ZNF845: variants seen among roughly 807,000 people sequenced by gnomAD.
ZNF845 encodes zinc finger protein 845.
ZNF845 carries 59 observed loss-of-function variants against 76.1 expected under a neutral mutation model. The ratio of observed to expected loss-of-function variants is 0.78; its 90% CI spans 0.63 to 0.96. The LOEUF is 0.96. Among genes scored for constraint, ZNF845 ranks in the 40% least tolerant of loss-of-function variants. The probability of loss-of-function intolerance (pLI) is 0.00; values close to 1 mark genes in which losing one functional copy is unlikely to be tolerated. For missense variants in ZNF845, 1,045 were observed against 1,172.8 expected (o/e 0.89, Z 1.59); for synonymous variants, 361 against 386.9 (o/e 0.93, Z 0.78).
At chr19:53,335,979 TGGATCACAA>T (rs554731451) in intron 1 of ZNF845, among the ~76,000 whole-genome samples, 53 of 146,440 alleles carry the variant, frequency 3.6e-4, no homozygotes, top group African/African-American at 1.1e-3. Flanking sequence ...CGGAGGCAGG[TGGATCACAA>T]GGATCACAAG....
intron 1 of ZNF845, among the ~76,000 whole-genome samples, 190 bp downstream of exon 1, chr19:53,333,982 C>T (rs1418657837): frequency 6.6e-6 from 1 of 152,216 alleles, no homozygotes; most frequent in East Asian, 1.9e-4. Context: ...GAGGATGGTC[C>T]CTTCCCGAAT....
At position 53,351,716 on chromosome 19, in the gene ZNF845, A is replaced by T; in HGVS notation, c.1041A>T (p.Arg347Ser). ...SQTSYLVYHR[R>S]LHTGEKPYKC... ...CGTCATACCTTGTGTACCATCGTAG[A>T]CTTCATACTGGAGAGAAACCTTACA... Residue 347 changes from arginine (R) to serine (S), a missense_variant, in exon 4 of 4, where the codon AGA becomes AGT. By Grantham distance (110) the Arg-to-Ser change is moderately radical. Transcript: ENST00000458035. 2 of 1,614,108 alleles carry T rather than the reference A, an allele frequency of 1.2e-6. No individual in the cohort carries two copies. The highest frequency in any genetic ancestry group is 3.3e-4 in the Middle Eastern group (2 of 6,062).
At chr19:53,342,349 T>C (rs1445517124) in intron 2 of ZNF845, among the ~76,000 whole-genome samples, 1 of 152,192 alleles carries the variant, frequency 6.6e-6, no homozygotes, top group East Asian at 1.9e-4. Flanking sequence ...ACTTCTGACC[T>C]AAGGTGATCT....
chr19:53,348,525 A>G (rs2085311931), intron 3 of ZNF845, among the ~76,000 whole-genome samples: 1 of 152,184 alleles, frequency 6.6e-6, no homozygotes, highest in African/African-American at 2.4e-5. Flanking sequence ...AACACCCATG[A>G]CCAAATTCTC....
At chr19:53,333,925 C>G (rs1337371127) in intron 1 of ZNF845, 133 bp downstream of exon 1, 1 of 154,390 alleles carries the variant, frequency 6.5e-6, no homozygotes, top group Non-Finnish European at 1.4e-5. Flanking sequence ...TTTAGACGTC[C>G]TCGTCAGAGT....
intron 1 of ZNF845, among the ~76,000 whole-genome samples, chr19:53,336,160 C>CA (rs1395676355): frequency 6.8e-6 from 1 of 147,630 alleles, no homozygotes; most frequent in Non-Finnish European, 1.5e-5. Context: ...TGCAGTGAGC[C>CA]AAGATTGCGC....
chr19:53,353,503 A>T lies in ZNF845; in HGVS notation c.2828A>T (p.Tyr943Phe), dbSNP rs765487947. ...ACAATTCATACTGGAGAGAAACCTT[A>T]CAAGTGTAATGAATGTGGCAAGGTT... The part of the protein sequence containing the change: ...HKTIHTGEKP[Y>F]KCNECGKVFN... The change falls in exon 4 of 4, where the codon TAC becomes TTC. Residue 943 changes from tyrosine to phenylalanine, a missense_variant. Physicochemically the swap from Tyr to Phe is conservative, Grantham distance 22. Coordinates refer to ENST00000458035, the MANE Select transcript of ZNF845 (RefSeq NM_138374.3). The T allele has an allele frequency of 6.2e-7, 1 of 1,613,734 alleles. No individual in the cohort carries two copies. Among genetic ancestry groups the T allele is most frequent in the South Asian group, 1.1e-5 (1 of 91,012 alleles).
At chr19:53,334,458 G>A (rs555338459) in intron 1 of ZNF845, among the ~76,000 whole-genome samples, 43 of 151,898 alleles carry the variant, frequency 2.8e-4, no homozygotes, top group Admixed American at 5.3e-4. Flanking sequence ...GATGAGTGAG[G>A]GATTTGCCAA....
chr19:53,348,241 C>G (rs1014616968), intron 3 of ZNF845, among the ~76,000 whole-genome samples: 6 of 152,096 alleles, frequency 3.9e-5, no homozygotes, highest in African/African-American at 1.4e-4. Flanking sequence ...ACACTACAGC[C>G]TGGGTGATAG....
At chr19:53,346,665 A>G (rs938664955) in intron 3 of ZNF845, among the ~76,000 whole-genome samples, 2 of 152,240 alleles carry the variant, frequency 1.3e-5, no homozygotes, top group Non-Finnish European at 2.9e-5. Context: ...TGAGAGACAG[A>G]GCGACACTCT....
At position 53,344,604 on chromosome 19, in the gene ZNF845, A is replaced by ATTTATTTTATTTTATTTATTTTAT. The variant is rs1555822545; in HGVS notation, c.16-885_16-884insATTTTATTTTATTTTATTTTATTT. Among the ~76,000 whole-genome samples the ATTTATTTTATTTTATTTATTTTAT allele has an allele frequency of 2.2e-3, 273 of 126,906 alleles. 2 individuals carry two copies. Among genetic ancestry groups the ATTTATTTTATTTTATTTATTTTAT allele is most frequent in the East Asian group, 8.6e-3 (37 of 4,292 alleles). 83.3% of individuals were successfully genotyped at this position (126,906 alleles called of 152,430 possible). On this transcript the variant is annotated intron_variant, in intron 2 of 3. Transcript: ENST00000458035. The stretch of plus-strand genomic sequence containing the variant: ...CCTACATTGATTTTTATTTTATTTT[A>ATTTATTTTATTTTATTTATTTTAT]TTTATTTTATTTTATTTTATTTTAT...
chr19:53,352,406 A>G lies in ZNF845; in HGVS notation c.1731A>G (p.Lys577=). The change falls in exon 4 of 4, where the codon AAA becomes AAG. Residue 577 remains lysine, a synonymous_variant. Transcript: ENST00000458035. ...ATCAAGCAATCCATGGTATAGGGAA[A>G]CTTTACAAATGTAATGATTGTCACC... ...IYHQAIHGIG[K]LYKCNDCHQV... is the part of the protein sequence containing the mutation. The G allele has an allele frequency of 1.2e-6, 2 of 1,613,958 alleles. No individual in the cohort carries two copies. Among genetic ancestry groups the G allele is most frequent in the Non-Finnish European group, 8.5e-7 (1 of 1,179,864 alleles).
intron 1 of ZNF845, among the ~76,000 whole-genome samples, chr19:53,335,502 C>G (rs981435191): frequency 6.6e-6 from 1 of 152,020 alleles, no homozygotes; most frequent in African/African-American, 2.4e-5. Context: ...CTCAAAGGAT[C>G]GTCCTGCCTT....
rs2085244129 is a variant in ZNF845, at chr19:53,339,899, T to C, written c.-73-1336T>C. ...CAGGTTATTTTTCATTTTTATTTATTTGAGGTGGAGTCTCACTCTGTCACC... is the reference window on the plus strand; with the variant it reads ...CAGGTTATTTTTCATTTTTATTTATCTGAGGTGGAGTCTCACTCTGTCACC... On this transcript the variant is annotated intron_variant, in intron 1 of 3. Transcript: ENST00000458035. Among the ~76,000 whole-genome samples the C allele has an allele frequency of 2.6e-5, 4 of 152,348 alleles. No individual in the cohort carries two copies. The South Asian group carries it at 8.3e-4, about 32-fold the overall frequency.
In ZNF845 at chr19:53,356,665, C is replaced by G. The variant is rs2085388147; in HGVS notation, c.*3077C>G. 6.6e-6 allele frequency: 1 copy of G among 152,202 alleles called. No individual in the cohort carries two copies. The highest frequency in any genetic ancestry group is 2.1e-4 in the South Asian group (1 of 4,834). 9.4% of individuals were successfully genotyped at this position (152,202 alleles called of 1,614,324 possible). On this transcript the variant is annotated 3_prime_UTR_variant, in exon 4 of 4. Transcript: ENST00000458035. ...GTAAATGAGGCCGGGCGTGGTGGCTCACGCCTGTAATCCCAGCACTTTGGG... is the reference window on the plus strand; with the variant it reads ...GTAAATGAGGCCGGGCGTGGTGGCTGACGCCTGTAATCCCAGCACTTTGGG...
intron 1 of ZNF845, among the ~76,000 whole-genome samples, chr19:53,334,568 T>G (rs2085199334): frequency 1.4e-5 from 2 of 147,928 alleles, no homozygotes; most frequent in African/African-American, 5.0e-5. Context: ...AAGGGGAGAA[T>G]GAGAGATATG....
At chr19:53,334,615 G>C (rs140198756) in intron 1 of ZNF845, among the ~76,000 whole-genome samples, 2,982 of 152,096 alleles carry the variant, frequency 0.02, 113 homozygotes, top group African/African-American at 0.067. Flanking sequence ...AATGAAGAAA[G>C]GGGGGCTGGG....
rs2085367979 is a variant in ZNF845 at position 53,354,230 on chromosome 19, A to T, written c.*642A>T. On this transcript the variant is annotated 3_prime_UTR_variant, in exon 4 of 4. Transcript: ENST00000458035. ...GATCACCCCTTAAGGAACATCAGAA[A>T]ATTCATTTTTGAGATGATTGTTCCA... is the stretch of plus-strand genomic sequence containing the variant. The T allele has an allele frequency of 2.0e-6, 1 of 506,004 alleles. No homozygotes were observed. Among genetic ancestry groups the T allele is most frequent in the Admixed American group, 2.3e-5 (1 of 42,798 alleles). 31.3% of individuals were successfully genotyped at this position (506,004 alleles called of 1,614,324 possible).
At chr19:53,337,116 G>A (rs777080055) in intron 1 of ZNF845, 3 of 456,838 alleles carry the variant, frequency 6.6e-6, no homozygotes, top group Admixed American at 2.3e-5. Flanking sequence ...TGCCCTCATC[G>A]CATGACTGTC....
Sources: gnomAD v4.1 joint callset for allele counts (sites outside exome capture counted in the v4.1 genomes callset) on GRCh38, gnomAD v4.1.1 for gene constraint, MANE v1.5 for transcripts, NCBI Gene and HGNC (gene_info 2026-07-23, HGNC 2026-07-21) for gene names.